The following CHODL variants were observed in gnomAD, a reference collection of about 807,000 sequenced individuals.
CHODL encodes the protein transmembrane protein MT75.
Under a neutral mutation model 34.5 loss-of-function variants are expected in CHODL, and 29 were observed. That is an observed-to-expected ratio of 0.84 (90% CI 0.63 to 1.15). The LOEUF (loss-of-function observed/expected upper bound fraction) is 1.15. Among genes scored for constraint, CHODL ranks in the 50% most tolerant of loss-of-function variants. The probability of loss-of-function intolerance (pLI) is 0.00; values close to 1 mark genes in which losing one functional copy is unlikely to be tolerated. For missense variants in CHODL, 332 were observed against 332.5 expected (o/e 1.00, Z 0.01); for synonymous variants, 125 against 116.1 (o/e 1.08, Z -0.49).
chr21:18,233,613 T>G (rs2074002603), intron 2 of CHODL, among the ~76,000 whole-genome samples: 1 of 152,124 alleles, frequency 6.6e-6, no homozygotes, highest in African/African-American at 2.4e-5. Context: ...TGTGAAGATC[T>G]AAGTTTAGCT....
chr21:18,207,310 C>T (rs920800360), intron 2 of CHODL, among the ~76,000 whole-genome samples: 3 of 152,068 alleles, frequency 2.0e-5, no homozygotes, highest in Admixed American at 6.6e-5. Context: ...AAATTGATGA[C>T]AACACTGATT....
chr21:18,070,662 G>C (rs931578259), intron 2 of CHODL, among the ~76,000 whole-genome samples: 3 of 152,136 alleles, frequency 2.0e-5, no homozygotes, highest in South Asian at 2.1e-4. Context: ...AATAAACGCT[G>C]TTAGTGCTTC....
intron 2 of CHODL, among the ~76,000 whole-genome samples, chr21:18,032,203 G>A (rs2064255770): frequency 6.6e-6 from 1 of 152,036 alleles, no homozygotes. Context: ...ATTGCTAGGA[G>A]AGTAGATCTT....
intron 1 of CHODL, among the ~76,000 whole-genome samples, chr21:17,922,924 A>C (rs2063193959): frequency 6.6e-6 from 1 of 152,202 alleles, no homozygotes; most frequent in African/African-American, 2.4e-5. Context: ...GGGAGACATC[A>C]GTCAACATAT....
intron 2 of CHODL, among the ~76,000 whole-genome samples, chr21:18,158,031 T>C: frequency 6.7e-6 from 1 of 148,370 alleles, no homozygotes; most frequent in East Asian, 1.9e-4. Flanking sequence ...TTTTATAGCG[T>C]GCTTTGAGGA....
chr21:17,994,462 A>C (rs746379719), intron 1 of CHODL, among the ~76,000 whole-genome samples: 7 of 152,106 alleles, frequency 4.6e-5, no homozygotes, highest in Non-Finnish European at 7.4e-5. Flanking sequence ...GTCATGTGAG[A>C]GGGCACTGGT....
intron 1 of CHODL, among the ~76,000 whole-genome samples, chr21:17,918,750 C>CTTACTTATAAGTG: frequency 6.6e-6 from 1 of 152,270 alleles, no homozygotes; most frequent in Non-Finnish European, 1.5e-5. Context: ...AGCATTAACT[C>CTTACTTATAAGTG]AGAAGTCTAC....
intron 2 of CHODL, among the ~76,000 whole-genome samples, chr21:18,106,926 T>C (rs547671079): frequency 2.4e-4 from 36 of 152,194 alleles, no homozygotes; most frequent in Non-Finnish European, 4.3e-4. Context: ...TTGTTGTCCC[T>C]GCACCCAAGT....
At chr21:18,198,873 G>A (rs140144676) in intron 2 of CHODL, among the ~76,000 whole-genome samples, 3,169 of 152,084 alleles carry the variant, frequency 0.021, 57 homozygotes, top group Non-Finnish European at 0.03. Context: ...GCATATATTA[G>A]AATTTCGATA....
intron 2 of CHODL, among the ~76,000 whole-genome samples, chr21:18,079,656 TA>T (rs1234280697): frequency 6.6e-6 from 1 of 151,556 alleles, no homozygotes; most frequent in East Asian, 1.9e-4. Context: ...AATCATCTGT[TA>T]ATGGACACTT....
At position 18,144,559 on chromosome 21, in the gene CHODL, C is replaced by A. The variant is rs760259688; in HGVS notation, c.-44-111950C>A. Among the ~76,000 whole-genome samples, 38 of 152,172 alleles carry A rather than the reference C, an allele frequency of 2.5e-4. 1 individual carries two copies. Among genetic ancestry groups the A allele is most frequent in the South Asian group, 2.1e-4 (1 of 4,834 alleles). On this transcript the variant is annotated intron_variant, in intron 2 of 6. Coordinates refer to the CHODL transcript ENST00000400127. Reference sequence around the variant, plus strand: ...TGCTTACCTTGAAGTGATTTATGTTCACACAAAGACCACGGGGATCCCACT... The same window carrying A: ...TGCTTACCTTGAAGTGATTTATGTTAACACAAAGACCACGGGGATCCCACT...
At chr21:18,243,918 A>C (rs1348054167), upstream of CHODL, among the ~76,000 whole-genome samples, 1 of 152,232 alleles carries the variant, frequency 6.6e-6, no homozygotes, top group African/African-American at 2.4e-5. Flanking sequence ...TCATGCATTT[A>C]AAGCAACATA....
At chr21:18,065,823 C>T (rs1319197296) in intron 2 of CHODL, among the ~76,000 whole-genome samples, 5 of 151,898 alleles carry the variant, frequency 3.3e-5, no homozygotes, top group South Asian at 2.1e-4. Context: ...GTAAATTGTT[C>T]GAGGGTATTA....
intron 1 of CHODL, among the ~76,000 whole-genome samples, chr21:17,989,778 C>A (rs1410018127): frequency 6.6e-6 from 1 of 152,098 alleles, no homozygotes; most frequent in Non-Finnish European, 1.5e-5. Context: ...TTCCGGTTTT[C>A]AAAAATAAAT....
intron 2 of CHODL, among the ~76,000 whole-genome samples, chr21:18,044,596 T>A (rs1223249104): frequency 6.6e-6 from 1 of 151,984 alleles, no homozygotes; most frequent in Non-Finnish European, 1.5e-5. Flanking sequence ...ACTGCCATTT[T>A]CTGAATTTCA....
chr21:18,090,978 C>A (rs1314334349), intron 2 of CHODL, among the ~76,000 whole-genome samples: 1 of 152,164 alleles, frequency 6.6e-6, no homozygotes, highest in Non-Finnish European at 1.5e-5. Context: ...TCACAGAAAC[C>A]ACCACTTCTC....
chr21:18,130,027 T>C (rs934699954), intron 2 of CHODL, among the ~76,000 whole-genome samples: 12 of 152,258 alleles, frequency 7.9e-5, no homozygotes, highest in African/African-American at 2.6e-4. Flanking sequence ...AGCTTGTTTC[T>C]TTCCAGATTT....
chr21:18,145,457 A>G (rs2072870413), intron 2 of CHODL, among the ~76,000 whole-genome samples: 1 of 148,314 alleles, frequency 6.7e-6, no homozygotes, highest in African/African-American at 2.5e-5. Flanking sequence ...AAAAAAAAAA[A>G]GCGGCATTCA....
At chr21:18,047,215 A>G (rs2064454899) in intron 2 of CHODL, among the ~76,000 whole-genome samples, 2 of 151,960 alleles carry the variant, frequency 1.3e-5, no homozygotes, top group South Asian at 2.1e-4. Flanking sequence ...GAGAAAGTAT[A>G]TATTTTTTCC....
Sources: gnomAD v4.1 joint callset for allele counts (sites outside exome capture counted in the v4.1 genomes callset) on GRCh38, gnomAD v4.1.1 for gene constraint, MANE v1.5 for transcripts, NCBI Gene and HGNC (gene_info 2026-07-23, HGNC 2026-07-21) for gene names.